The following SYT1 variants were observed in gnomAD, a reference collection of about 807,000 sequenced individuals.
SYT1 encodes the protein synaptotagmin 1.
SYT1 carries 8 observed loss-of-function variants against 44.8 expected under a neutral mutation model. That is an observed-to-expected ratio of 0.18 (90% CI 0.10 to 0.32). The LOEUF is 0.32. Among genes scored for constraint, SYT1 ranks in the 10% least tolerant of loss-of-function variants. SYT1 has a pLI of 1.00. For missense variants in SYT1, 286 were observed against 509.3 expected (o/e 0.56, Z 4.22); for synonymous variants, 154 against 188.8 (o/e 0.82, Z 1.51).
At chr12:79,079,434 T>C (rs1876879781) in intron 3 of SYT1, among the ~76,000 whole-genome samples, 1 of 152,066 alleles carries the variant, frequency 6.6e-6, no homozygotes. Context: ...TTTTGTAGAA[T>C]GTAAAATAGG....
intron 4 of SYT1, among the ~76,000 whole-genome samples, chr12:79,262,002 A>G (rs1877855098): frequency 6.6e-6 from 1 of 152,212 alleles, no homozygotes; most frequent in Non-Finnish European, 1.5e-5. Context: ...AATTATACTG[A>G]CATAGTGCCA....
chr12:78,943,472 A>G (rs1462027648), intron 1 of SYT1, among the ~76,000 whole-genome samples: 1 of 152,090 alleles, frequency 6.6e-6, no homozygotes, highest in Non-Finnish European at 1.5e-5. Flanking sequence ...TTTCTTATGA[A>G]CTCATTCACT....
chr12:79,019,376 A>C (rs1181669578), intron 2 of SYT1, among the ~76,000 whole-genome samples: 1 of 152,072 alleles, frequency 6.6e-6, no homozygotes, highest in Non-Finnish European at 1.5e-5. Flanking sequence ...ACTAGTTTGA[A>C]TTACCATCAA....
intron 9 of SYT1, among the ~76,000 whole-genome samples, chr12:79,386,963 A>T (rs902790160): frequency 6.6e-6 from 1 of 152,202 alleles, no homozygotes; most frequent in Non-Finnish European, 1.5e-5. Context: ...AACCTACTCC[A>T]GCATTTAATA....
Position 79,261,783 on chromosome 12 carries a change from G to A in SYT1, c.167-24004G>A, listed in dbSNP as rs972869379. On this transcript the variant is annotated intron_variant, in intron 4 of 10. Coordinates refer to ENST00000261205, the MANE Select transcript of SYT1 (RefSeq NM_005639.3). ...GCGGTATTATTATTTCAATTTTCAT[G>A]TAAAGAAATAAAAGCTCAAAGAAGA... Among the ~76,000 whole-genome samples the A allele has an allele frequency of 5.9e-5, 9 of 152,156 alleles. No homozygotes were observed. In the East Asian group the frequency reaches 1.5e-3, roughly 26 times the overall value.
chr12:79,014,712 T>C (rs1390135088), intron 2 of SYT1, among the ~76,000 whole-genome samples: 1 of 152,154 alleles, frequency 6.6e-6, no homozygotes, highest in Non-Finnish European at 1.5e-5. Context: ...TATTACTGGG[T>C]ATATACCCAA....
At chr12:79,203,927 T>C (rs1416011897) in intron 3 of SYT1, among the ~76,000 whole-genome samples, 2 of 152,230 alleles carry the variant, frequency 1.3e-5, no homozygotes, top group Non-Finnish European at 1.5e-5. Context: ...TTGAGAATTA[T>C]TCAAAGCACC....
chr12:79,237,901 C>T (rs980310865), intron 4 of SYT1, among the ~76,000 whole-genome samples: 1 of 152,094 alleles, frequency 6.6e-6, no homozygotes, highest in African/African-American at 2.4e-5. Flanking sequence ...CATTTTAGTA[C>T]AGGGTTTAAT....
chr12:79,312,214 T>C (rs1403229102), intron 8 of SYT1, among the ~76,000 whole-genome samples: 1 of 152,116 alleles, frequency 6.6e-6, no homozygotes, highest in Non-Finnish European at 1.5e-5. Context: ...TAAAACCCCT[T>C]ATTATTAAAT....
chr12:79,053,752 A>T lies in SYT1; in HGVS notation c.-18+6390A>T, dbSNP rs146616066. ...CTTAGACTATATTATTGTAAAAATA[A>T]GTTGTTTTTGTGAACATTTGCCTTA... is the stretch of plus-strand genomic sequence containing the variant. On this transcript the variant is annotated intron_variant, in intron 3 of 10. Coordinates refer to ENST00000261205, the MANE Select transcript of SYT1 (RefSeq NM_005639.3). Among the ~76,000 whole-genome samples, 426 of 151,804 alleles carry T rather than the reference A, an allele frequency of 2.8e-3. 1 individual carries two copies. Among genetic ancestry groups the T allele is most frequent in the African/African-American group, 9.8e-3 (406 of 41,520 alleles).
intron 4 of SYT1, among the ~76,000 whole-genome samples, chr12:79,218,794 T>C (rs371062829): frequency 1.3e-5 from 2 of 152,220 alleles, no homozygotes; most frequent in East Asian, 3.8e-4. Flanking sequence ...TTCCATGTCT[T>C]GGCTATTGTG....
At chr12:79,257,719 C>T (rs1877605858) in intron 4 of SYT1, among the ~76,000 whole-genome samples, 1 of 152,138 alleles carries the variant, frequency 6.6e-6, no homozygotes, top group South Asian at 2.1e-4. Context: ...GATCTCTTGA[C>T]CTGGTGATCC....
chr12:79,324,098 A>G (rs1228480655), intron 8 of SYT1, among the ~76,000 whole-genome samples: 3 of 151,596 alleles, frequency 2.0e-5, no homozygotes, highest in South Asian at 4.2e-4. Flanking sequence ...TTACAGGTGC[A>G]CGCCACCACT....
intron 3 of SYT1, among the ~76,000 whole-genome samples, chr12:79,177,687 T>C (rs1225164115): frequency 8.0e-6 from 1 of 124,804 alleles, no homozygotes; most frequent in Non-Finnish European, 1.6e-5. Flanking sequence ...TTCCTATTTC[T>C]CCACATCCTC....
intron 4 of SYT1, among the ~76,000 whole-genome samples, chr12:79,267,051 A>G (rs1407581366): frequency 6.6e-6 from 1 of 152,200 alleles, no homozygotes; most frequent in East Asian, 1.9e-4. Context: ...GTTACAGAGA[A>G]TTCTAAAAAC....
At chr12:79,213,864 G>C (rs1454077106) in intron 3 of SYT1, among the ~76,000 whole-genome samples, 1 of 152,224 alleles carries the variant, frequency 6.6e-6, no homozygotes, top group Non-Finnish European at 1.5e-5. Flanking sequence ...GGAAGTTGCA[G>C]TGAGCAGAAA....
intron 5 of SYT1, among the ~76,000 whole-genome samples, chr12:79,289,890 G>GTTT (rs5799424): frequency 3.0e-5 from 4 of 135,210 alleles, no homozygotes; most frequent in Middle Eastern, 3.9e-3. Flanking sequence ...AAACTCAGTA[G>GTTT]TTTTTTTTTT....
At chr12:78,951,855 C>T (rs1878985099) in intron 1 of SYT1, among the ~76,000 whole-genome samples, 1 of 152,076 alleles carries the variant, frequency 6.6e-6, no homozygotes, top group Admixed American at 6.6e-5. Flanking sequence ...CTTTCTGGAG[C>T]TTATGTGTCA....
rs531149412 is a variant in SYT1, at chr12:78,912,257, T to C, written c.-217+47148T>C. Among the ~76,000 whole-genome samples the C allele has an allele frequency of 9.2e-5, 14 of 152,050 alleles. 1 individual carries two copies. In the South Asian group the frequency reaches 2.9e-3, roughly 32 times the overall value. ...TTCTCTTTAAGAAATGAATACCTAA[T>C]GTTTATTCCGTACTGTACAAGGCAC... is the stretch of plus-strand genomic sequence containing the variant. On this transcript the variant is annotated intron_variant, in intron 1 of 10. Transcript: ENST00000261205.
Sources: gnomAD v4.1 joint callset for allele counts (sites outside exome capture counted in the v4.1 genomes callset) on GRCh38, gnomAD v4.1.1 for gene constraint, MANE v1.5 for transcripts, NCBI Gene and HGNC (gene_info 2026-07-23, HGNC 2026-07-21) for gene names.